PPP1R12A: variants seen among roughly 807,000 people sequenced by gnomAD.
The protein encoded by PPP1R12A is protein phosphatase 1 regulatory subunit 12A.
Under a neutral mutation model 139.6 loss-of-function variants are expected in PPP1R12A, and 19 were observed. The ratio of observed to expected loss-of-function variants is 0.14; its 90% CI spans 0.09 to 0.20. The LOEUF is 0.20. Among genes scored for constraint, PPP1R12A ranks in the 10% least tolerant of loss-of-function variants. The pLI is 1.00. For synonymous variants in PPP1R12A, 427 were observed against 420.6 expected (o/e 1.02, Z -0.19); for missense variants, 925 against 1,211.5 (o/e 0.76, Z 3.51).
chr12:79,912,401 A>G (rs1160349049), intron 1 of PPP1R12A, among the ~76,000 whole-genome samples: 2 of 152,200 alleles, frequency 1.3e-5, no homozygotes, highest in Non-Finnish European at 2.9e-5. Flanking sequence ...TTTTAAATTA[A>G]TGAAACACTG....
At chr12:79,918,161 A>G (rs1238630586) in intron 1 of PPP1R12A, among the ~76,000 whole-genome samples, 1 of 152,020 alleles carries the variant, frequency 6.6e-6, no homozygotes, top group African/African-American at 2.4e-5. Context: ...GAAACCTTAA[A>G]AAAAAAAAAA....
At chr12:79,846,982 A>T (rs1286072808) in intron 2 of PPP1R12A, among the ~76,000 whole-genome samples, 3 of 152,032 alleles carry the variant, frequency 2.0e-5, no homozygotes, top group Non-Finnish European at 4.4e-5. Context: ...TAACCAATTT[A>T]GCTCCTTCAT....
At chr12:79,878,803 A>C (rs1194192701) in intron 1 of PPP1R12A, among the ~76,000 whole-genome samples, 3 of 152,158 alleles carry the variant, frequency 2.0e-5, no homozygotes, top group Non-Finnish European at 4.4e-5. Context: ...GATTCATTCA[A>C]TTACCTCCCA....
At chr12:79,870,759 T>C (rs1397722822) in intron 2 of PPP1R12A, among the ~76,000 whole-genome samples, 1 of 152,070 alleles carries the variant, frequency 6.6e-6, no homozygotes, top group South Asian at 2.1e-4. Context: ...ACTGATAACA[T>C]TAGCAACTGC....
At chr12:79,846,642 C>T (rs1485456626) in intron 2 of PPP1R12A, among the ~76,000 whole-genome samples, 3 of 150,676 alleles carry the variant, frequency 2.0e-5, no homozygotes, top group Non-Finnish European at 4.4e-5. Context: ...GAGGTTTCAC[C>T]GTGGTCTCAA....
intron 2 of PPP1R12A, among the ~76,000 whole-genome samples, chr12:79,850,343 TATTAG>T (rs1879895309): frequency 6.6e-6 from 1 of 152,224 alleles, no homozygotes; most frequent in Non-Finnish European, 1.5e-5. Flanking sequence ...GAATATGGTA[TATTAG>T]ATAAACAGGT....
At chr12:79,897,858 G>A (rs1383087386) in intron 1 of PPP1R12A, among the ~76,000 whole-genome samples, 4 of 152,114 alleles carry the variant, frequency 2.6e-5, no homozygotes, top group Non-Finnish European at 1.5e-5. Flanking sequence ...CACATTCACT[G>A]CACCTCAGGA....
intron 1 of PPP1R12A, among the ~76,000 whole-genome samples, chr12:79,879,439 T>C (rs1004416495): frequency 2.0e-5 from 3 of 152,062 alleles, no homozygotes; most frequent in African/African-American, 4.8e-5. Flanking sequence ...AACTATCTAA[T>C]AGCATCTACT....
chr12:79,916,386 A>C (rs200374422), intron 1 of PPP1R12A, among the ~76,000 whole-genome samples: 8 of 184 alleles, frequency 0.043, 1 homozygote, highest in African/African-American at 0.39. Context: ...ATTCATTCTT[A>C]AGACAGATAT....
chr12:79,869,331 A>G (rs1460591164), intron 2 of PPP1R12A, among the ~76,000 whole-genome samples: 1 of 152,250 alleles, frequency 6.6e-6, no homozygotes, highest in South Asian at 2.1e-4. Flanking sequence ...AAAAATTTAG[A>G]ACTCAATGTA....
upstream of PPP1R12A, chr12:79,935,327 C>T (rs1018432031): frequency 2.4e-5 from 25 of 1,030,872 alleles, no homozygotes; most frequent in Non-Finnish European, 2.8e-5. Context: ...GCGGGTGTGG[C>T]CCAGGCAGCG....
At chr12:79,935,216 A>T, upstream of PPP1R12A, 1 of 1,287,528 alleles carries the variant, frequency 7.8e-7, no homozygotes, top group Non-Finnish European at 9.9e-7. Context: ...CCGGACTGGG[A>T]GGCGCCCTTC....
intron 2 of PPP1R12A, among the ~76,000 whole-genome samples, chr12:79,865,219 A>G (rs1881830196): frequency 6.6e-6 from 1 of 152,214 alleles, no homozygotes; most frequent in African/African-American, 2.4e-5. Context: ...AACAAAAACC[A>G]CATGATTATC....
chr12:79,924,321 T>C (rs1235536792), intron 1 of PPP1R12A, among the ~76,000 whole-genome samples: 1 of 152,204 alleles, frequency 6.6e-6, no homozygotes, highest in Non-Finnish European at 1.5e-5. Flanking sequence ...TTGCTGAATA[T>C]GTCATCTGTC....
chr12:79,832,847 T>C (rs991432703), intron 3 of PPP1R12A, among the ~76,000 whole-genome samples: 11 of 152,280 alleles, frequency 7.2e-5, no homozygotes, highest in African/African-American at 2.4e-4. Context: ...CAAATTTCTA[T>C]CTACTGTTTT....
At chr12:79,917,906 T>C (rs1009190886) in intron 1 of PPP1R12A, among the ~76,000 whole-genome samples, 1 of 152,134 alleles carries the variant, frequency 6.6e-6, no homozygotes, top group Admixed American at 6.6e-5. Context: ...CTCTCACCTA[T>C]CTTAACCTGT....
intron 19 of PPP1R12A, among the ~76,000 whole-genome samples, chr12:79,792,948 A>C (rs957115269): frequency 1.3e-5 from 2 of 152,200 alleles, no homozygotes; most frequent in African/African-American, 4.8e-5. Flanking sequence ...TGTGGGGTCA[A>C]AATAGGCAAA....
At chr12:79,842,812 T>TC (rs1262009818) in intron 3 of PPP1R12A, among the ~76,000 whole-genome samples, 4 of 151,990 alleles carry the variant, frequency 2.6e-5, no homozygotes, top group Non-Finnish European at 5.9e-5. Context: ...AAAGCGATCC[T>TC]CCCCCCTTAG....
chr12:79,798,607 C>T (rs1337690458), intron 14 of PPP1R12A, 23 bp from the exon 15 acceptor site: 12 of 1,392,092 alleles, frequency 8.6e-6, no homozygotes, highest in African/African-American at 2.9e-5. Flanking sequence ...ATTGAAAAAT[C>T]GTTAGTTGTA....
Sources: allele counts gnomAD v4.1 joint callset (sites outside exome capture counted in the v4.1 genomes callset), GRCh38; gene constraint gnomAD v4.1.1; transcripts MANE v1.5; gene names NCBI Gene and HGNC (gene_info 2026-07-23, HGNC 2026-07-21).